The following PPP2CA variants were observed in gnomAD, a reference collection of about 807,000 sequenced individuals.
PPP2CA encodes serine/threonine-protein phosphatase 2A catalytic subunit alpha isoform.
A neutral mutation model predicts 38.8 loss-of-function variants in PPP2CA; 5 were observed. The ratio of observed to expected loss-of-function variants is 0.13; its 90% CI spans 0.07 to 0.27. PPP2CA has a LOEUF of 0.27. PPP2CA is among the 10% of genes least tolerant of loss of function. The probability of loss-of-function intolerance (pLI) is 1.00; values close to 1 mark genes in which losing one functional copy is unlikely to be tolerated. For synonymous variants in PPP2CA, 152 were observed against 134.0 expected (o/e 1.13, Z -0.93); for missense variants, 88 against 389.7 (o/e 0.23, Z 6.52).
chr5:134,218,576 C>G (rs1762368591), intron 1 of PPP2CA, among the ~76,000 whole-genome samples: 1 of 152,020 alleles, frequency 6.6e-6, no homozygotes, highest in Non-Finnish European at 1.5e-5. Context: ...AAAATTGTCA[C>G]AATAATACAT....
intron 2 of PPP2CA, among the ~76,000 whole-genome samples, chr5:134,205,271 A>G (rs1762054906): frequency 6.6e-6 from 1 of 151,980 alleles, no homozygotes; most frequent in Admixed American, 6.6e-5. Flanking sequence ...GTATGTTTAT[A>G]TATTTATAAT....
At chr5:134,217,943 T>C (rs1351300071) in intron 1 of PPP2CA, among the ~76,000 whole-genome samples, 1 of 152,342 alleles carries the variant, frequency 6.6e-6, no homozygotes, top group East Asian at 1.9e-4. Flanking sequence ...TGTAGGCAAC[T>C]GTTAACATAA....
chr5:134,198,974 A>C, intron 6 of PPP2CA, 112 bp downstream of exon 6: 1 of 806,356 alleles, frequency 1.2e-6, no homozygotes, highest in Non-Finnish European at 2.0e-6. Flanking sequence ...ACTTCAGCCT[A>C]GGAGTTCGAG....
intron 1 of PPP2CA, among the ~76,000 whole-genome samples, chr5:134,217,010 A>G (rs1252026213): frequency 6.6e-6 from 1 of 152,180 alleles, no homozygotes; most frequent in Non-Finnish European, 1.5e-5. Context: ...GGCCGGGCGA[A>G]GTGGCTCACG....
intron 1 of PPP2CA, among the ~76,000 whole-genome samples, chr5:134,212,882 T>C (rs546973799): frequency 6.6e-6 from 1 of 152,222 alleles, no homozygotes; most frequent in Non-Finnish European, 1.5e-5. Flanking sequence ...AGGTAGGTCC[T>C]AATTCTTCAA....
chr5:134,214,631 A>G (rs555716553), intron 1 of PPP2CA, among the ~76,000 whole-genome samples: 8 of 152,300 alleles, frequency 5.3e-5, no homozygotes, highest in Non-Finnish European at 1.0e-4. Flanking sequence ...ATGTTTATTT[A>G]CCATCAGTTA....
At chr5:134,217,684 T>C (rs1021885873) in intron 1 of PPP2CA, among the ~76,000 whole-genome samples, 3 of 152,236 alleles carry the variant, frequency 2.0e-5, no homozygotes, top group East Asian at 3.8e-4. Flanking sequence ...TGATACATGA[T>C]GTAGAACATA....
chr5:134,206,003 A>G lies in PPP2CA; in HGVS notation c.231T>C (p.Asp77=), dbSNP rs1443772127. Residue 77 remains aspartate (D), a synonymous_variant, in exon 2 of 7, where the codon GAT becomes GAC. Transcript: ENST00000481195. ...ELFRIGGKSP[D]TNYLFMGDYV... Reference sequence around the variant, plus strand: ...AATCTCCCATAAACAAGTAATTTGTATCTGGTGATTTGCCACCAATTCTAA... The same window carrying G: ...AATCTCCCATAAACAAGTAATTTGTGTCTGGTGATTTGCCACCAATTCTAA... 1.9e-6 allele frequency: 3 copies of G among 1,614,052 alleles called. No homozygotes were observed. In the African/African-American group the frequency reaches 4.0e-5, roughly 22 times the overall value.
At chr5:134,200,872 C>A in intron 4 of PPP2CA, 113 bp downstream of exon 4, 4 of 885,648 alleles carry the variant, frequency 4.5e-6, no homozygotes, top group Non-Finnish European at 7.1e-6. Flanking sequence ...AGTGCTCACA[C>A]CTCAAGTTGT....
chr5:134,201,750 C>G, intron 3 of PPP2CA, 98 bp downstream of exon 3: 1 of 1,309,216 alleles, frequency 7.6e-7, no homozygotes, highest in South Asian at 1.4e-5. Context: ...AAAAATATCC[C>G]CAAAGGGGTG....
rs184150286 is a variant in PPP2CA at position 134,218,209 on chromosome 5, T to A, written c.102+7551A>T. Among the ~76,000 whole-genome samples the A allele has an allele frequency of 2.0e-5, 3 of 152,094 alleles. No individual in the cohort carries two copies. In the East Asian group the frequency reaches 5.8e-4, roughly 29 times the overall value. On this transcript the variant is annotated intron_variant, in intron 1 of 6. Coordinates refer to ENST00000481195, the MANE Select transcript of PPP2CA (RefSeq NM_002715.4). ...GATTAAAATCAGTATGGTTATATTT[T>A]AAAAGTTTAACCCTCCAGGTAATAT...
At chr5:134,200,893 T>A in intron 4 of PPP2CA, 92 bp downstream of exon 4, 1 of 1,081,564 alleles carries the variant, frequency 9.2e-7, no homozygotes, top group South Asian at 1.4e-5. Flanking sequence ...TTTTGAGAAT[T>A]ATATGAGAGA....
chr5:134,205,319 T>A (rs1235843950), intron 2 of PPP2CA, among the ~76,000 whole-genome samples: 1 of 152,084 alleles, frequency 6.6e-6, no homozygotes, highest in Non-Finnish European at 1.5e-5. Context: ...CTAATTATAT[T>A]ACCTCTCCAT....
intron 1 of PPP2CA, among the ~76,000 whole-genome samples, chr5:134,225,257 G>A (rs1181300187): frequency 1.3e-5 from 2 of 152,204 alleles, no homozygotes; most frequent in East Asian, 1.9e-4. Flanking sequence ...AAACCACCAA[G>A]GGGTACTAAA....
intron 1 of PPP2CA, among the ~76,000 whole-genome samples, chr5:134,216,479 G>A (rs1416995558): frequency 1.3e-5 from 2 of 150,114 alleles, no homozygotes; most frequent in Admixed American, 1.3e-4. Context: ...GGCGGAGGTT[G>A]CAGTGGGCTG....
chr5:134,218,331 G>C (rs1208332258), intron 1 of PPP2CA, among the ~76,000 whole-genome samples: 2 of 152,080 alleles, frequency 1.3e-5, no homozygotes, highest in Non-Finnish European at 2.9e-5. Flanking sequence ...TGTAATAAAA[G>C]AAAATATAAA....
chr5:134,212,488 G>A (rs893728798), intron 1 of PPP2CA, among the ~76,000 whole-genome samples: 41 of 152,104 alleles, frequency 2.7e-4, no homozygotes, highest in African/African-American at 8.9e-4. Flanking sequence ...TGGCCATTCT[G>A]TCTCTCCCTC....
At position 134,194,726 on chromosome 5, in the gene PPP2CA, C is replaced by CA. The variant is rs747246760; in HGVS notation, c.*3045dup. ...CTGAGTTCAAGTGATTCTCCTGCCT[C>CA]AGCCTCCCAAGTAGCTGGGATTACA... On this transcript the variant is annotated 3_prime_UTR_variant, in exon 7 of 7. Coordinates refer to ENST00000481195, the MANE Select transcript of PPP2CA (RefSeq NM_002715.4). 1 of 152,374 alleles carries CA rather than the reference C, an allele frequency of 6.6e-6. No homozygotes were observed. Among genetic ancestry groups the CA allele is most frequent in the East Asian group, 1.9e-4 (1 of 5,200 alleles). 9.4% of individuals were successfully genotyped at this position (152,374 alleles called of 1,614,324 possible). A position where few individuals can be genotyped will look rare whatever the true frequency, so the allele number is the denominator to read the frequency against.
At chr5:134,213,465 C>T (rs1304085439) in intron 1 of PPP2CA, among the ~76,000 whole-genome samples, 3 of 150,020 alleles carry the variant, frequency 2.0e-5, no homozygotes, top group African/African-American at 7.3e-5. Context: ...GCCTGGGCAA[C>T]ACACCAAAAC....
Sources: gnomAD v4.1 joint callset for allele counts (sites outside exome capture counted in the v4.1 genomes callset) on GRCh38, gnomAD v4.1.1 for gene constraint, MANE v1.5 for transcripts, NCBI Gene and HGNC (gene_info 2026-07-23, HGNC 2026-07-21) for gene names.